TEF: variants seen among roughly 807,000 people sequenced by gnomAD.
TEF encodes TEF transcription factor, PAR bZIP family member.
A neutral mutation model predicts 20.8 loss-of-function variants in TEF; 3 were observed. The ratio of observed to expected loss-of-function variants is 0.14; its 90% CI spans 0.07 to 0.37. The LOEUF is 0.37. TEF is among the 10% of genes least tolerant of loss of function. The pLI is 1.00. For missense variants in TEF, 296 were observed against 397.9 expected (o/e 0.74, Z 2.18); for synonymous variants, 180 against 171.1 (o/e 1.05, Z -0.41).
chr22:41,373,504 C>T (rs1214941159), intron 1 of TEF, among the ~76,000 whole-genome samples: 3 of 151,998 alleles, frequency 2.0e-5, no homozygotes, highest in African/African-American at 7.3e-5. Context: ...GAGTCTCACT[C>T]TGTCGCCCAG....
chr22:41,377,197 G>A (rs2036953020), upstream of TEF: 1 of 152,010 alleles, frequency 6.6e-6, no homozygotes. Flanking sequence ...AACGCTTCAC[G>A]AATCTGCATG....
intron 2 of TEF, among the ~76,000 whole-genome samples, chr22:41,390,208 T>A (rs955048968): frequency 1.3e-5 from 2 of 152,114 alleles, no homozygotes; most frequent in African/African-American, 4.8e-5. Context: ...TGTTTTTTGG[T>A]AAATATATAT....
rs200212380 is a variant in TEF, at chr22:41,375,723, CAAAAAA to C, written c.67+8137_67+8142del. Among the ~76,000 whole-genome samples the C allele has an allele frequency of 1.7e-4, 13 of 74,766 alleles. No homozygotes were observed. The East Asian group carries it at 3.1e-3, about 18-fold the overall frequency. The allele number at this position is 74,766 out of a possible 152,430, so 49.0% of individuals were successfully genotyped here. ...TGGGCAACAGAGCAAGACTCTGTCT[CAAAAAA>C]AAAAAAAAAAAATTGCTCCAAATGC... On this transcript the variant is annotated intron_variant, in intron 1 of 3. Transcript: ENST00000406644.
At position 41,385,034 on chromosome 22, in the gene TEF, G is replaced by A. The variant is rs1256441339; in HGVS notation, c.158-2317G>A. Among the ~76,000 whole-genome samples the A allele has an allele frequency of 4.6e-5, 7 of 152,264 alleles. No individual in the cohort carries two copies. The East Asian group carries it at 5.8e-4, about 13-fold the overall frequency. ...ACTCCCAAAGTGCTAGGATACAGGCGTGATCCCACTGCGCATGGCTGTAAA... is the reference window on the plus strand; with the variant it reads ...ACTCCCAAAGTGCTAGGATACAGGCATGATCCCACTGCGCATGGCTGTAAA... On this transcript the variant is annotated intron_variant, in intron 1 of 3. Transcript: ENST00000266304.
chr22:41,385,011 T>A (rs532487087), intron 1 of TEF, among the ~76,000 whole-genome samples: 1 of 152,214 alleles, frequency 6.6e-6, no homozygotes, highest in South Asian at 2.1e-4. Flanking sequence ...CGCCTCGGAC[T>A]CCCAAAGTGC....
intron 2 of TEF, among the ~76,000 whole-genome samples, chr22:41,389,209 G>C: frequency 6.6e-6 from 1 of 152,058 alleles, no homozygotes; most frequent in Non-Finnish European, 1.5e-5. Context: ...GACCATCCTG[G>C]TTAACACGGT....
At chr22:41,391,903 G>A (rs1258392205) in intron 2 of TEF, among the ~76,000 whole-genome samples, 1 of 152,150 alleles carries the variant, frequency 6.6e-6, no homozygotes, top group Non-Finnish European at 1.5e-5. Flanking sequence ...TTACAGGTGT[G>A]CACCACCACG....
intron 2 of TEF, among the ~76,000 whole-genome samples, chr22:41,389,730 C>T (rs750369230): frequency 2.0e-5 from 3 of 152,072 alleles, no homozygotes; most frequent in East Asian, 1.9e-4. Context: ...CTGGGCCTCC[C>T]GAAGTGTTGG....
chr22:41,369,827 C>T, intron 1 of TEF: 1 of 881,682 alleles, frequency 1.1e-6, no homozygotes, highest in Non-Finnish European at 1.4e-6. Context: ...ACAGGGATGC[C>T]CTCAGGTCCG....
chr22:41,391,021 G>C (rs1725028608), intron 2 of TEF, among the ~76,000 whole-genome samples: 1 of 152,240 alleles, frequency 6.6e-6, no homozygotes, highest in African/African-American at 2.4e-5. Context: ...TACCTGAGCT[G>C]CTTGTCTTGC....
rs751077379 is a variant in TEF at position 41,367,572 on chromosome 22, T to C, written c.40T>C (p.Ser14Pro). The C allele has an allele frequency of 1.9e-6, 3 of 1,551,378 alleles. No individual in the cohort carries two copies. In the Admixed American group the frequency reaches 5.9e-5, roughly 30 times the overall value. The change falls in exon 1 of 4, where the codon TCT (serine) becomes CCT (proline). Residue 14 changes from serine to proline, a missense_variant. By Grantham distance (74) the Ser-to-Pro change is moderately conservative. Coordinates refer to the TEF transcript ENST00000406644. ...GGTCCTCAAGTCCCTGCTGGAGCACTCTCTGCCTTGGCCAGAGAAGAGAAC... is the reference window on the plus strand; with the variant it reads ...GGTCCTCAAGTCCCTGCTGGAGCACCCTCTGCCTTGGCCAGAGAAGAGAAC...
At position 41,369,448 on chromosome 22, in the gene TEF, G is replaced by C. The variant is rs371677627; in HGVS notation, c.67+1849G>C. ...GTCACTTCATGTGGCATCTCACTGA[G>C]AGTGAGAAGCATGAGGTCCCACAGG... On this transcript the variant is annotated intron_variant, in intron 1 of 3. Coordinates refer to the TEF transcript ENST00000406644. Among the ~76,000 whole-genome samples the C allele has an allele frequency of 3.3e-5, 5 of 152,328 alleles. 1 individual carries two copies. The East Asian group carries it at 5.8e-4, about 18-fold the overall frequency.
chr22:41,373,733 G>A (rs1601811170), intron 1 of TEF, among the ~76,000 whole-genome samples: 1 of 148,772 alleles, frequency 6.7e-6, no homozygotes, highest in East Asian at 2.0e-4. Flanking sequence ...CTCCCAAAGT[G>A]CTGGGATTAC....
At chr22:41,370,052 T>TGTGCTCTCCCC in intron 1 of TEF, 4 of 985,302 alleles carry the variant, frequency 4.1e-6, no homozygotes, top group Non-Finnish European at 4.8e-6. Flanking sequence ...AAACTCCAGG[T>TGTGCTCTCCCC]GTGCTCTCCC....
chr22:41,382,041 C>T lies in TEF; in HGVS notation c.-4C>T, dbSNP rs1013903409. The T allele has an allele frequency of 4.9e-6, 6 of 1,230,418 alleles. No homozygotes were observed. The African/African-American group carries it at 7.8e-5, about 16-fold the overall frequency. The allele number at this position is 1,230,418 out of a possible 1,614,324, so 76.2% of individuals were successfully genotyped here. A position where few individuals can be genotyped will look rare whatever the true frequency, so the allele number is the denominator to read the frequency against. On this transcript the variant is annotated 5_prime_UTR_variant, in exon 1 of 4. Coordinates refer to ENST00000266304, the MANE Select transcript of TEF (RefSeq NM_003216.4). ...CGAGGTGCGCGAGCCGAGTCCGGGGCACGATGTCCGACGCGGGCGGCGGAA... is the reference window on the plus strand; with the variant it reads ...CGAGGTGCGCGAGCCGAGTCCGGGGTACGATGTCCGACGCGGGCGGCGGAA...
chr22:41,387,472 T>G lies in TEF; in HGVS notation c.279T>G (p.Ser93=). 1 of 1,614,222 alleles carries G rather than the reference T, an allele frequency of 6.2e-7. No homozygotes were observed. The highest frequency in any genetic ancestry group is 8.5e-7 in the Non-Finnish European group (1 of 1,180,034). Residue 93 remains serine, a synonymous_variant, in exon 2 of 4, where the codon TCT becomes TCG. Coordinates refer to ENST00000266304, the MANE Select transcript of TEF (RefSeq NM_003216.4). ...WDKTIPYDGE[S]FHLEYMDLDE... ...AGACCATCCCATATGATGGCGAATC[T>G]TTCCACCTGGAGTACATGGACCTGG... is the stretch of plus-strand genomic sequence containing the variant.
At chr22:41,390,378 T>G (rs1019339457) in intron 2 of TEF, among the ~76,000 whole-genome samples, 2 of 152,170 alleles carry the variant, frequency 1.3e-5, no homozygotes, top group Admixed American at 1.3e-4. Flanking sequence ...AGCCTTTGAT[T>G]TTGACATCTT....
At chr22:41,383,368 G>A (rs978682790) in intron 1 of TEF, among the ~76,000 whole-genome samples, 2 of 152,082 alleles carry the variant, frequency 1.3e-5, no homozygotes, top group Non-Finnish European at 2.9e-5. Context: ...TCCAAATCTG[G>A]GGCTGAGACA....
intron 1 of TEF, among the ~76,000 whole-genome samples, chr22:41,371,508 T>C (rs543519398): frequency 3.9e-5 from 6 of 152,194 alleles, no homozygotes; most frequent in African/African-American, 1.4e-4. Flanking sequence ...TCTCTCTCCA[T>C]CTCCAGACTT....
Sources: gnomAD v4.1 joint callset for allele counts (sites outside exome capture counted in the v4.1 genomes callset) on GRCh38, gnomAD v4.1.1 for gene constraint, MANE v1.5 for transcripts, NCBI Gene and HGNC (gene_info 2026-07-23, HGNC 2026-07-21) for gene names.